The following DMGDH variants were observed in gnomAD, a reference collection of about 807,000 sequenced individuals.
DMGDH encodes dimethylglycine dehydrogenase.
A neutral mutation model predicts 95.2 loss-of-function variants in DMGDH; 76 were observed. That is an observed-to-expected ratio of 0.80 (90% CI 0.66 to 0.97). DMGDH has a LOEUF of 0.97. Among genes scored for constraint, DMGDH ranks in the 50% least tolerant of loss-of-function variants. The probability of loss-of-function intolerance (pLI) is 0.00; values close to 1 mark genes in which losing one functional copy is unlikely to be tolerated. For synonymous variants in DMGDH, 345 were observed against 377.6 expected (o/e 0.91, Z 1.00); for missense variants, 987 against 1,055.0 (o/e 0.94, Z 0.89).
chr5:79,064,181 C>T lies in DMGDH; in HGVS notation c.102-394G>A, dbSNP rs537117320. Among the ~76,000 whole-genome samples, 36 of 151,990 alleles carry T rather than the reference C, an allele frequency of 2.4e-4. No individual in the cohort carries two copies. In the East Asian group the frequency reaches 5.4e-3, roughly 23 times the overall value. ...AACCCTGGGCAACATGACGAAGCCC[C>T]GTCTCTATAAAAAATACAAAAATTA... On this transcript the variant is annotated intron_variant, in intron 1 of 15. Coordinates refer to ENST00000255189, the MANE Select transcript of DMGDH (RefSeq NM_013391.3).
At chr5:78,999,235 A>G (rs1295736010) in intron 15 of DMGDH, among the ~76,000 whole-genome samples, 4 of 152,336 alleles carry the variant, frequency 2.6e-5, no homozygotes, top group African/African-American at 9.6e-5. Context: ...TAACACATTC[A>G]TGACTTTAAT....
At chr5:78,998,437 G>C in intron 15 of DMGDH, 140 bp from the exon 16 acceptor site, 1 of 738,486 alleles carries the variant, frequency 1.4e-6, no homozygotes, top group South Asian at 1.6e-5. Flanking sequence ...GACAACGCCA[G>C]AGACACAGGA....
In DMGDH at chr5:79,033,451, G is replaced by A. The variant is rs114323715; in HGVS notation, c.1194-43C>T. 5.4e-4 allele frequency: 874 copies of A among 1,607,128 alleles called. 5 individuals carry two copies. The African/African-American group carries it at 0.01, about 19-fold the overall frequency. On this transcript the variant is annotated intron_variant, in intron 7 of 15. Coordinates refer to ENST00000255189, the MANE Select transcript of DMGDH (RefSeq NM_013391.3). The stretch of plus-strand genomic sequence containing the variant: ...AGAAAACCCATTACTAACACATGTA[G>A]TTTTCAAATGAAACATAATCAAACT...
chr5:78,998,113 A>G lies in DMGDH; in HGVS notation c.2570T>C (p.Leu857Pro). The G allele has an allele frequency of 6.2e-7, 1 of 1,614,106 alleles. No individual in the cohort carries two copies. The highest frequency in any genetic ancestry group is 8.5e-7 in the Non-Finnish European group (1 of 1,180,028). Residue 857 changes from leucine (L) to proline (P), a missense_variant, in exon 16 of 16, where the codon CTT becomes CCT. Transcript: ENST00000255189. ...LVLTEPTRNR[L>P]QKKGGKDKT ...TTTGTCCTTTCCACCTTTTTTCTGA[A>G]GCCGGTTTCTGGTTGGTTCGGTCAA... is the stretch of plus-strand genomic sequence containing the variant.
intron 14 of DMGDH, among the ~76,000 whole-genome samples, chr5:79,022,249 T>G (rs1412478508): frequency 6.6e-6 from 1 of 152,232 alleles, no homozygotes; most frequent in Non-Finnish European, 1.5e-5. Flanking sequence ...ATTATAGGCT[T>G]ACAGTATTTA....
intron 15 of DMGDH, chr5:79,000,192 A>G: frequency 5.0e-6 from 3 of 603,778 alleles, no homozygotes; most frequent in South Asian, 1.4e-5. Context: ...TTTCTGGCAC[A>G]GTTATGTTTA....
intron 1 of DMGDH, among the ~76,000 whole-genome samples, chr5:79,065,213 CTTTTCCT>C (rs1485235717): frequency 2.9e-5 from 4 of 138,674 alleles, no homozygotes; most frequent in Admixed American, 8.1e-5. Flanking sequence ...TTTTTCTTTT[CTTTTCCT>C]TTTTTTTTTT....
chr5:79,032,356 C>T (rs554405967), intron 9 of DMGDH, among the ~76,000 whole-genome samples: 1 of 152,316 alleles, frequency 6.6e-6, no homozygotes, highest in South Asian at 2.1e-4. Context: ...ACTGAGCACC[C>T]TAAAGTACAG....
chr5:79,052,156 C>T (rs537469719), intron 4 of DMGDH, among the ~76,000 whole-genome samples: 1 of 152,334 alleles, frequency 6.6e-6, no homozygotes, highest in South Asian at 2.1e-4. Context: ...TCCTGGAATA[C>T]ATTCTATTTG....
intron 13 of DMGDH, among the ~76,000 whole-genome samples, chr5:79,024,998 C>A (rs1316161077): frequency 6.6e-6 from 1 of 152,344 alleles, no homozygotes; most frequent in African/African-American, 2.4e-5. Flanking sequence ...CCTGCATAAA[C>A]TAAATGAAAG....
intron 14 of DMGDH, among the ~76,000 whole-genome samples, chr5:79,013,272 A>G (rs1753676680): frequency 6.6e-6 from 1 of 152,190 alleles, no homozygotes; most frequent in African/African-American, 2.4e-5. Flanking sequence ...CAGGAGCACA[A>G]TGCAGCCATG....
intron 7 of DMGDH, among the ~76,000 whole-genome samples, chr5:79,036,959 C>T (rs1754363408): frequency 6.6e-6 from 1 of 151,914 alleles, no homozygotes; most frequent in Admixed American, 6.6e-5. Flanking sequence ...GGGTGGGGCC[C>T]TCATGATAGG....
intron 5 of DMGDH, among the ~76,000 whole-genome samples, chr5:79,044,923 T>C (rs1754627860): frequency 6.6e-6 from 1 of 152,284 alleles, no homozygotes; most frequent in Middle Eastern, 3.4e-3. Context: ...AGACTGCCCA[T>C]ATTTGTGGAC....
chr5:79,035,210 G>A (rs901016024), intron 7 of DMGDH, among the ~76,000 whole-genome samples: 1 of 152,050 alleles, frequency 6.6e-6, no homozygotes, highest in Non-Finnish European at 1.5e-5. Flanking sequence ...TTAAATATAT[G>A]CTTAAAATGT....
intron 5 of DMGDH, among the ~76,000 whole-genome samples, chr5:79,048,714 T>C (rs1754750601): frequency 6.6e-6 from 1 of 152,154 alleles, no homozygotes; most frequent in Non-Finnish European, 1.5e-5. Context: ...GAATCTTCTA[T>C]CTTTTAAATA....
At chr5:79,057,056 A>G (rs538858599) in intron 2 of DMGDH, among the ~76,000 whole-genome samples, 1 of 152,222 alleles carries the variant, frequency 6.6e-6, no homozygotes, top group African/African-American at 2.4e-5. Flanking sequence ...AAAATTCCTT[A>G]TCACTGGAGC....
chr5:79,017,564 T>G (rs1264229031), intron 14 of DMGDH, among the ~76,000 whole-genome samples: 1 of 152,194 alleles, frequency 6.6e-6, no homozygotes, highest in Non-Finnish European at 1.5e-5. Context: ...GGTAGGACTA[T>G]AATATATAAA....
At chr5:79,001,590 A>G (rs1217364313) in intron 15 of DMGDH, among the ~76,000 whole-genome samples, 2 of 152,206 alleles carry the variant, frequency 1.3e-5, no homozygotes, top group Admixed American at 1.3e-4. Flanking sequence ...AGAAAACAGG[A>G]AGAGACCTAG....
intron 14 of DMGDH, among the ~76,000 whole-genome samples, chr5:79,024,064 C>T (rs1753931297): frequency 6.6e-6 from 1 of 152,194 alleles, no homozygotes. Context: ...ATTCTGCTAT[C>T]TTAAATCTGT....
Sources: allele counts gnomAD v4.1 joint callset (sites outside exome capture counted in the v4.1 genomes callset), GRCh38; gene constraint gnomAD v4.1.1; transcripts MANE v1.5; gene names NCBI Gene and HGNC (gene_info 2026-07-23, HGNC 2026-07-21).